MEIG1: variants seen among roughly 807,000 people sequenced by gnomAD.
MEIG1 encodes the protein meiosis/spermiogenesis associated 1, also known as meiosis expressed gene 1 protein homolog.
A neutral mutation model predicts 11.3 loss-of-function variants in MEIG1; 12 were observed. The observed-to-expected ratio is 1.07, with a 90% CI of 0.68 to 1.73. The LOEUF (loss-of-function observed/expected upper bound fraction) is 1.73. MEIG1 is among the 40% of genes most tolerant of loss of function. MEIG1 has a pLI of 0.00. For synonymous variants in MEIG1, 41 were observed against 33.2 expected, an observed-to-expected ratio of 1.24 and a Z score of -0.81; for missense variants, 119 against 104.9, an observed-to-expected ratio of 1.13 and a Z score of -0.59.
At chr10:14,977,866 C>T (rs984532204) in intron 1 of MEIG1, among the ~76,000 whole-genome samples, 2 of 150,684 alleles carry the variant, frequency 1.3e-5, no homozygotes, top group African/African-American at 4.9e-5. Context: ...CTAATATCAC[C>T]GTGAGTTTAC....
At chr10:14,965,675 T>TGGGAGA (rs775298011) in intron 1 of MEIG1, among the ~76,000 whole-genome samples, 1 of 101,156 alleles carries the variant, frequency 9.9e-6, no homozygotes, top group African/African-American at 3.9e-5. Context: ...ATTCCCTTTT[T>TGGGAGA]GAGAGAGAGA....
At chr10:14,982,110 G>T (rs984425457) in intron 1 of MEIG1, among the ~76,000 whole-genome samples, 5 of 152,190 alleles carry the variant, frequency 3.3e-5, no homozygotes, top group African/African-American at 1.2e-4. Flanking sequence ...GGGTTATCGG[G>T]ATCGAGGGGA....
chr10:14,972,256 C>G (rs932219921), intron 2 of MEIG1, among the ~76,000 whole-genome samples: 2 of 152,174 alleles, frequency 1.3e-5, no homozygotes, highest in Non-Finnish European at 2.9e-5. Flanking sequence ...CTCAATTGAT[C>G]CACCTGCCTC....
upstream of MEIG1, among the ~76,000 whole-genome samples, chr10:14,955,625 G>C (rs36231121): frequency 1.3e-3 from 203 of 152,326 alleles, 1 homozygote; most frequent in African/African-American, 4.6e-3. Context: ...TTGAACCTGG[G>C]AGGCGGAGGT....
chr10:14,972,105 C>T (rs1311918097), intron 2 of MEIG1, among the ~76,000 whole-genome samples: 1 of 151,888 alleles, frequency 6.6e-6, no homozygotes, highest in Non-Finnish European at 1.5e-5. Flanking sequence ...ACCCCTGCCT[C>T]CAGAGTTCAA....
chr10:14,956,152 G>C (rs1004736196), upstream of MEIG1, among the ~76,000 whole-genome samples: 1 of 152,236 alleles, frequency 6.6e-6, no homozygotes, highest in African/African-American at 2.4e-5. Flanking sequence ...AGGCAAGATA[G>C]GTAAGCATAG....
At chr10:14,975,801 G>A (rs1165008818), downstream of MEIG1, among the ~76,000 whole-genome samples, 2 of 152,060 alleles carry the variant, frequency 1.3e-5, no homozygotes, top group Non-Finnish European at 2.9e-5. Context: ...GGATGGACAC[G>A]CCCCCAGTGA....
chr10:14,958,004 GGGC>G (rs1434398295), upstream of MEIG1, among the ~76,000 whole-genome samples: 1 of 152,142 alleles, frequency 6.6e-6, no homozygotes, highest in Non-Finnish European at 1.5e-5. Flanking sequence ...ACTACAGAGG[GGGC>G]ATAGAGAGCT....
chr10:14,966,398 CACTATT>C, intron 1 of MEIG1, 36 bp from the exon 2 acceptor site: 1 of 1,388,684 alleles, frequency 7.2e-7, no homozygotes. Context: ...TCAAAATTGT[CACTATT>C]ACATTATCCA....
chr10:14,969,561 A>C (rs961403359), intron 2 of MEIG1, among the ~76,000 whole-genome samples: 1 of 152,178 alleles, frequency 6.6e-6, no homozygotes, highest in African/African-American at 2.4e-5. Context: ...TGGGCTGGGC[A>C]CAGTGGCTCA....
chr10:14,961,995 G>T (rs185740038), intron 1 of MEIG1, among the ~76,000 whole-genome samples: 1 of 151,924 alleles, frequency 6.6e-6, no homozygotes, highest in African/African-American at 2.4e-5. Flanking sequence ...TGTAGAGATA[G>T]GGTCTCACTA....
chr10:14,959,145 G>A (rs1842981205), upstream of MEIG1, among the ~76,000 whole-genome samples: 1 of 152,180 alleles, frequency 6.6e-6, no homozygotes, highest in Non-Finnish European at 1.5e-5. Context: ...GCTGTGATCC[G>A]CTTTCACAGG....
At chr10:14,981,682 C>T (rs1452970785) in intron 1 of MEIG1, among the ~76,000 whole-genome samples, 1 of 152,172 alleles carries the variant, frequency 6.6e-6, no homozygotes, top group South Asian at 2.1e-4. Context: ...GAGGTTGAGC[C>T]GGGCCCCTTC....
At chr10:14,975,956 G>A (rs1435127296), downstream of MEIG1, among the ~76,000 whole-genome samples, 6 of 152,162 alleles carry the variant, frequency 3.9e-5, no homozygotes, top group Non-Finnish European at 5.9e-5. Flanking sequence ...GCACCCGTCT[G>A]TGACATAGTT....
chr10:14,965,387 A>G (rs929689851), intron 1 of MEIG1, among the ~76,000 whole-genome samples: 1 of 152,202 alleles, frequency 6.6e-6, no homozygotes, highest in Admixed American at 6.5e-5. Flanking sequence ...AGACAATTAC[A>G]TGAACTAAAG....
At chr10:14,981,336 T>C (rs1843260634) in intron 1 of MEIG1, among the ~76,000 whole-genome samples, 1 of 152,046 alleles carries the variant, frequency 6.6e-6, no homozygotes, top group Non-Finnish European at 1.5e-5. Context: ...AAGAGCTGTG[T>C]TCTGTCAAAG....
intron 2 of MEIG1, among the ~76,000 whole-genome samples, chr10:14,969,504 G>A (rs1843125858): frequency 6.6e-6 from 1 of 151,740 alleles, no homozygotes; most frequent in Admixed American, 6.6e-5. Flanking sequence ...AGAATTAAAT[G>A]TAATCACATG....
At chr10:14,961,866 G>A (rs1435030923) in intron 1 of MEIG1, among the ~76,000 whole-genome samples, 1 of 151,868 alleles carries the variant, frequency 6.6e-6, no homozygotes, top group Non-Finnish European at 1.5e-5. Flanking sequence ...GGAATGCAGT[G>A]ACTTGATCAC....
intron 1 of MEIG1, among the ~76,000 whole-genome samples, chr10:14,984,058 G>A (rs1280014898): frequency 2.0e-5 from 3 of 152,090 alleles, no homozygotes; most frequent in Admixed American, 6.5e-5. Flanking sequence ...GGCAAAGAGT[G>A]CAGAGGATGT....
Sources: gnomAD v4.1 joint callset for allele counts (sites outside exome capture counted in the v4.1 genomes callset) on GRCh38, gnomAD v4.1.1 for gene constraint, MANE v1.5 for transcripts, NCBI Gene and HGNC (gene_info 2026-07-23, HGNC 2026-07-21) for gene names.